Variants in PRMT8 observed in about 807,000 individuals in gnomAD.
PRMT8 encodes the protein protein arginine methyltransferase 8.
A neutral mutation model predicts 47.1 loss-of-function variants in PRMT8; 7 were observed. That is an observed-to-expected ratio of 0.15 (90% CI 0.08 to 0.28). PRMT8 has a LOEUF of 0.28. Ranked by LOEUF, PRMT8 falls within the 10% of genes least tolerant of loss-of-function variation. The pLI is 1.00. For missense variants in PRMT8, 237 were observed against 505.4 expected, an observed-to-expected ratio of 0.47 and a Z score of 5.09; for synonymous variants, 188 against 186.5, an observed-to-expected ratio of 1.01 and a Z score of -0.07.
intron 4 of PRMT8, among the ~76,000 whole-genome samples, 153 bp from the exon 5 acceptor site, chr12:3,568,553 T>C (rs1161448860): frequency 2.6e-5 from 4 of 152,162 alleles, no homozygotes; most frequent in Non-Finnish European, 4.4e-5. Context: ...ATTATGTTGG[T>C]ATAAACTAGT....
intron 1 of PRMT8, among the ~76,000 whole-genome samples, chr12:3,533,416 A>G (rs565775820): frequency 8.1e-4 from 124 of 152,354 alleles, no homozygotes; most frequent in Non-Finnish European, 1.1e-3. Context: ...ACACAAATCC[A>G]CAGACTTTCT....
chr12:3,473,250 T>A (rs563223131), intron 1 of PRMT8, among the ~76,000 whole-genome samples: 1 of 152,234 alleles, frequency 6.6e-6, no homozygotes, highest in East Asian at 1.9e-4. Context: ...ATGCAACCCC[T>A]TGGGCTGAAA....
chr12:3,509,421 C>T (rs1386839264), intron 1 of PRMT8, among the ~76,000 whole-genome samples: 1 of 152,222 alleles, frequency 6.6e-6, no homozygotes, highest in African/African-American at 2.4e-5. Context: ...TCCTATAGTA[C>T]CAGTTCCTGC....
chr12:3,585,696 T>C (rs1400574271), intron 8 of PRMT8, among the ~76,000 whole-genome samples: 2 of 152,130 alleles, frequency 1.3e-5, no homozygotes, highest in African/African-American at 4.8e-5. Context: ...TTGGGACTTT[T>C]GGTCTCCGTC....
At chr12:3,553,845 C>T (rs909224419) in intron 4 of PRMT8, 131 bp downstream of exon 4, 1 of 824,684 alleles carries the variant, frequency 1.2e-6, no homozygotes, top group African/African-American at 1.7e-5. Flanking sequence ...AGCTGAGGCC[C>T]CCGCCAGCAA....
In PRMT8 at chr12:3,458,203, G is replaced by A. The variant is rs529071131; in HGVS notation, c.48+76761G>A. Among the ~76,000 whole-genome samples, 28 of 152,330 alleles carry A rather than the reference G, an allele frequency of 1.8e-4. No individual in the cohort carries two copies. The East Asian group carries it at 4.1e-3, about 22-fold the overall frequency. ...CGTGTATCCTCCAACTTACTGGGGC[G>A]TGGCGCTCTGTGACTCAGTTTTCAT... On this transcript the variant is annotated intron_variant, in intron 1 of 9. Coordinates refer to the PRMT8 transcript ENST00000452611.
chr12:3,524,753 C>T (rs1055044072), intron 1 of PRMT8, among the ~76,000 whole-genome samples: 4 of 151,818 alleles, frequency 2.6e-5, no homozygotes, highest in Non-Finnish European at 4.4e-5. Flanking sequence ...GGGAGAGGGA[C>T]CTGCCCACTA....
intron 6 of PRMT8, among the ~76,000 whole-genome samples, chr12:3,575,048 TA>T (rs1256275801): frequency 6.6e-6 from 1 of 152,140 alleles, no homozygotes; most frequent in African/African-American, 2.4e-5. Flanking sequence ...CCCCACGAAG[TA>T]GGTTTTAATT....
chr12:3,521,617 A>G (rs1225350778), intron 1 of PRMT8, among the ~76,000 whole-genome samples: 6 of 152,216 alleles, frequency 3.9e-5, no homozygotes, highest in African/African-American at 1.4e-4. Flanking sequence ...GGGAATTGAT[A>G]CCCTTGCTAA....
At chr12:3,520,082 G>C (rs550989188) in intron 1 of PRMT8, among the ~76,000 whole-genome samples, 1 of 152,296 alleles carries the variant, frequency 6.6e-6, no homozygotes, top group African/African-American at 2.4e-5. Flanking sequence ...GTTTCCCAGA[G>C]CCAGGCTGGG....
intron 1 of PRMT8, among the ~76,000 whole-genome samples, chr12:3,430,346 A>G (rs1360256102): frequency 6.6e-6 from 1 of 152,236 alleles, no homozygotes; most frequent in Non-Finnish European, 1.5e-5. Context: ...CTGCCTGTGG[A>G]TTCCATTTCT....
intron 1 of PRMT8, among the ~76,000 whole-genome samples, chr12:3,497,068 A>G (rs1250843870): frequency 6.6e-6 from 1 of 152,146 alleles, no homozygotes; most frequent in Non-Finnish European, 1.5e-5. Flanking sequence ...TGAAGTGATT[A>G]TCACATACCA....
At chr12:3,387,135 C>T (rs185707543) in intron 1 of PRMT8, among the ~76,000 whole-genome samples, 4 of 152,310 alleles carry the variant, frequency 2.6e-5, no homozygotes, top group Non-Finnish European at 5.9e-5. Flanking sequence ...GGAAAGCATG[C>T]GGTCAATGTA....
At chr12:3,537,327 T>C (rs1455314266) in intron 1 of PRMT8, among the ~76,000 whole-genome samples, 2 of 152,266 alleles carry the variant, frequency 1.3e-5, no homozygotes, top group East Asian at 1.9e-4. Flanking sequence ...ACTTGCCTCA[T>C]GTGGACAGAT....
Position 3,583,263 on chromosome 12 carries a change from CTT to C in PRMT8, c.979+57_979+58del, listed in dbSNP as rs1867107121. ...CTCCCTCTCCCATGCTTCCTCAAGT[CTT>C]TGTGGGGTGACCAGAGCTGGCCTTG... On this transcript the variant is annotated intron_variant, in intron 8 of 9. Transcript: ENST00000382622. This position sits in a 1 kb window ranked among gnomAD's most constrained non-coding sequence, Gnocchi z 4.7. The C allele has an allele frequency of 3.9e-6, 6 of 1,542,366 alleles. No individual in the cohort carries two copies. Among genetic ancestry groups the C allele is most frequent in the Admixed American group, 1.9e-5 (1 of 51,476 alleles).
At chr12:3,515,223 C>A (rs1293713590) in intron 1 of PRMT8, among the ~76,000 whole-genome samples, 1 of 152,176 alleles carries the variant, frequency 6.6e-6, no homozygotes, top group Non-Finnish European at 1.5e-5. Flanking sequence ...GTGGTGGCGG[C>A]TGCTCATTAG....
At chr12:3,522,736 C>CTAAACAAGG in intron 1 of PRMT8, among the ~76,000 whole-genome samples, 1 of 148,742 alleles carries the variant, frequency 6.7e-6, no homozygotes, top group South Asian at 2.1e-4. Flanking sequence ...GTGCAAATAG[C>CTAAACAAGG]TAAACAAGGG....
At chr12:3,442,514 C>T (rs1864814011) in intron 1 of PRMT8, among the ~76,000 whole-genome samples, 1 of 152,118 alleles carries the variant, frequency 6.6e-6, no homozygotes, top group Non-Finnish European at 1.5e-5. Flanking sequence ...GGTGCGGCTG[C>T]CTGTTCTCCT....
chr12:3,452,905 A>AGAG (rs2137081535), intron 1 of PRMT8, among the ~76,000 whole-genome samples: 1 of 152,316 alleles, frequency 6.6e-6, no homozygotes, highest in South Asian at 2.1e-4. Context: ...TGGGGTGGTG[A>AGAG]GAGGACAATT....
Sources: gnomAD v4.1 joint callset for allele counts (sites outside exome capture counted in the v4.1 genomes callset) on GRCh38, gnomAD v4.1.1 for gene constraint, Gnocchi (gnomAD v3.1) non-coding constraint, MANE v1.5 for transcripts, NCBI Gene and HGNC (gene_info 2026-07-23, HGNC 2026-07-21) for gene names.